XKR9: variants seen among roughly 807,000 people sequenced by gnomAD.
XKR9 encodes XK-related protein 9.
Under a neutral mutation model 32.0 loss-of-function variants are expected in XKR9, and 32 were observed. The ratio of observed to expected loss-of-function variants is 1.00; its 90% CI spans 0.76 to 1.34. XKR9 has a LOEUF of 1.34. Among genes scored for constraint, XKR9 ranks in the 40% most tolerant of loss-of-function variants. The pLI is 0.00. For synonymous variants in XKR9, 168 were observed against 143.4 expected (o/e 1.17, Z -1.22); for missense variants, 546 against 429.7 (o/e 1.27, Z -2.39).
chr8:70,905,326 C>T, the XKR9 span, among the ~76,000 whole-genome samples: 2 of 152,128 alleles, frequency 1.3e-5, no homozygotes, highest in East Asian at 3.9e-4. Context: ...TTTCTTTTTA[C>T]TCCTTTTTCT....
intron 2 of XKR9, among the ~76,000 whole-genome samples, chr8:70,763,866 CTG>C (rs545906438): frequency 3.4e-4 from 52 of 152,272 alleles, no homozygotes; most frequent in African/African-American, 1.1e-3. Flanking sequence ...GATTAGTAGA[CTG>C]TATTCCTAGG....
intron 2 of XKR9, among the ~76,000 whole-genome samples, chr8:70,773,272 T>C (rs1807477352): frequency 6.6e-6 from 1 of 152,218 alleles, no homozygotes; most frequent in Non-Finnish European, 1.5e-5. Context: ...TTTACAGATA[T>C]GGATATGCAG....
the XKR9 span, among the ~76,000 whole-genome samples, chr8:70,856,375 A>G: frequency 6.6e-6 from 1 of 152,092 alleles, no homozygotes; most frequent in East Asian, 1.9e-4. Context: ...CAAAAGAGAC[A>G]AGGCCATTAC....
chr8:70,800,121 T>C, the XKR9 span, among the ~76,000 whole-genome samples: 1 of 152,212 alleles, frequency 6.6e-6, no homozygotes, highest in Non-Finnish European at 1.5e-5. Context: ...GAGATAATCA[T>C]ATGGTTTCTG....
chr8:70,857,682 A>G, the XKR9 span, among the ~76,000 whole-genome samples: 1 of 152,336 alleles, frequency 6.6e-6, no homozygotes, highest in Non-Finnish European at 1.5e-5. Flanking sequence ...TTTTAGACCA[A>G]TATCTCTGAT....
chr8:70,833,481 T>C, the XKR9 span, among the ~76,000 whole-genome samples: 1 of 152,112 alleles, frequency 6.6e-6, no homozygotes, highest in Admixed American at 6.6e-5. Context: ...TATATGTAGA[T>C]GTTATTCTTT....
chr8:71,026,851 A>G, the XKR9 span, among the ~76,000 whole-genome samples: 2 of 152,242 alleles, frequency 1.3e-5, no homozygotes, highest in East Asian at 3.8e-4. Context: ...TAACAAGGGT[A>G]AAATACAGGG....
chr8:70,935,285 T>C, the XKR9 span, among the ~76,000 whole-genome samples: 2 of 151,464 alleles, frequency 1.3e-5, no homozygotes, highest in Non-Finnish European at 3.0e-5. Context: ...AGAATGTATT[T>C]TGAGTTTTAC....
chr8:70,856,450 C>T, the XKR9 span, among the ~76,000 whole-genome samples: 1 of 152,148 alleles, frequency 6.6e-6, no homozygotes, highest in Non-Finnish European at 1.5e-5. Context: ...GCACCCAATA[C>T]AGGAGCAACC....
intron 2 of XKR9, among the ~76,000 whole-genome samples, chr8:70,789,156 C>G (rs10429277): frequency 0.54 from 81,728 of 151,632 alleles, 22,993 homozygotes; most frequent in Middle Eastern, 0.62. Context: ...ACACAGTTTA[C>G]GTGTAACTTA....
chr8:70,672,556 G>C (rs932414388), intron 1 of XKR9, among the ~76,000 whole-genome samples: 1 of 152,116 alleles, frequency 6.6e-6, no homozygotes, highest in Non-Finnish European at 1.5e-5. Flanking sequence ...AGGTGCAGTT[G>C]TCCCTTTGAT....
chr8:71,043,412 T>G, the XKR9 span, among the ~76,000 whole-genome samples: 4 of 152,202 alleles, frequency 2.6e-5, no homozygotes, highest in African/African-American at 9.6e-5. Flanking sequence ...AGTAAACATT[T>G]GAAAGAATGT....
the XKR9 span, among the ~76,000 whole-genome samples, chr8:70,972,264 A>G: frequency 6.6e-6 from 1 of 152,018 alleles, no homozygotes; most frequent in Non-Finnish European, 1.5e-5. Flanking sequence ...GATTCTCAGC[A>G]TGGTTGCTGT....
rs763868539 is a variant in XKR9 at position 70,725,291 on chromosome 8, A to G, written c.494-8505A>G. On this transcript the variant is annotated intron_variant, in intron 4 of 4. Coordinates refer to ENST00000408926, the MANE Select transcript of XKR9 (RefSeq NM_001011720.2). Reference sequence around the variant, plus strand: ...AACACCAAATATTTATTTACCAGAAATTGTGATGTTGCTCTTTTGGGTGGA... The same window carrying G: ...AACACCAAATATTTATTTACCAGAAGTTGTGATGTTGCTCTTTTGGGTGGA... Among the ~76,000 whole-genome samples, 181 of 152,306 alleles carry G rather than the reference A, an allele frequency of 1.2e-3. 1 individual carries two copies. Among genetic ancestry groups the G allele is most frequent in the Admixed American group, 2.9e-3 (45 of 15,292 alleles).
the XKR9 span, among the ~76,000 whole-genome samples, chr8:70,853,001 T>TA: frequency 6.6e-6 from 1 of 151,320 alleles, no homozygotes; most frequent in Non-Finnish European, 1.5e-5. Flanking sequence ...AAGTATAATA[T>TA]AAAAAAAGAA....
chr8:70,872,559 A>C, the XKR9 span, among the ~76,000 whole-genome samples: 1 of 152,254 alleles, frequency 6.6e-6, no homozygotes, highest in Non-Finnish European at 1.5e-5. Context: ...TTACATTGGT[A>C]GAAGATAGCT....
At chr8:70,745,356 T>C (rs920312639) in intron 2 of XKR9, among the ~76,000 whole-genome samples, 10 of 152,212 alleles carry the variant, frequency 6.6e-5, no homozygotes, top group African/African-American at 2.4e-4. Flanking sequence ...ATAAAAGGCC[T>C]TTTGAAATTT....
the XKR9 span, among the ~76,000 whole-genome samples, chr8:70,941,635 A>G: frequency 1.3e-5 from 2 of 152,144 alleles, no homozygotes; most frequent in African/African-American, 2.4e-5. Context: ...GAAGGAACTG[A>G]GTTTCTTTGG....
At chr8:71,050,745 C>T in the XKR9 span, among the ~76,000 whole-genome samples, 8 of 152,110 alleles carry the variant, frequency 5.3e-5, no homozygotes, top group South Asian at 2.1e-4. Context: ...GACCTCAAAG[C>T]GTAGTAAATG....
Sources: gnomAD v4.1 joint callset for allele counts (sites outside exome capture counted in the v4.1 genomes callset) on GRCh38, gnomAD v4.1.1 for gene constraint, MANE v1.5 for transcripts, NCBI Gene and HGNC (gene_info 2026-07-23, HGNC 2026-07-21) for gene names.